MOB2: variants seen among roughly 807,000 people sequenced by gnomAD.
MOB2 encodes MOB2 Mps One Binder homolog.
A neutral mutation model predicts 27.4 loss-of-function variants in MOB2; 14 were observed. That is an observed-to-expected ratio of 0.51 (90% CI 0.34 to 0.80). The LOEUF (loss-of-function observed/expected upper bound fraction) is 0.80, where lower values mean the gene tolerates loss of function less well. Among genes scored for constraint, MOB2 ranks in the 30% least tolerant of loss-of-function variants. The pLI, the probability that MOB2 is intolerant of heterozygous loss-of-function variation, is 0.01. For synonymous variants in MOB2, 167 were observed against 151.8 expected, an observed-to-expected ratio of 1.10 and a Z score of -0.74; for missense variants, 304 against 354.6, an observed-to-expected ratio of 0.86 and a Z score of 1.15.
intron 3 of MOB2, chr11:1,471,644 C>A: frequency 2.0e-6 from 1 of 499,654 alleles, no homozygotes; most frequent in Non-Finnish European, 3.5e-6. Flanking sequence ...TAGAACTACG[C>A]CAGGATCACG....
intron 1 of MOB2, among the ~76,000 whole-genome samples, chr11:1,484,589 C>T (rs1316295901): frequency 3.3e-5 from 5 of 152,116 alleles, no homozygotes; most frequent in African/African-American, 9.7e-5. Context: ...GTGCACGCCA[C>T]GGGCACCTCC....
intron 1 of MOB2, among the ~76,000 whole-genome samples, chr11:1,482,665 G>A (rs1391481400): frequency 6.6e-6 from 1 of 152,212 alleles, no homozygotes; most frequent in Non-Finnish European, 1.5e-5. Context: ...GGCTGGCCGG[G>A]CCCCGGAGCT....
At chr11:1,472,966 CAG>C (rs1847811805) in intron 3 of MOB2, 1 of 152,846 alleles carries the variant, frequency 6.5e-6, no homozygotes, top group African/African-American at 2.4e-5. Flanking sequence ...GGGGAGTCAC[CAG>C]AGTTACCAAG....
Position 1,469,991 on chromosome 11 carries a change from G to T in MOB2, c.*181C>A. On this transcript the variant is annotated 3_prime_UTR_variant, in exon 5 of 5. Transcript: ENST00000329957. ...AACGGCACGCATCCATCCGACAGGG[G>T]GCCACAGGACACGGCCGGGGCCGTC... The T allele has an allele frequency of 6.7e-7, 1 of 1,481,992 alleles. No individual in the cohort carries two copies. Among genetic ancestry groups the T allele is most frequent in the Non-Finnish European group, 9.1e-7 (1 of 1,098,392 alleles). 91.8% of individuals were successfully genotyped at this position (1,481,992 alleles called of 1,614,324 possible). A position where few individuals can be genotyped will look rare whatever the true frequency, so the allele number is the denominator to read the frequency against.
Position 1,470,469 on chromosome 11 carries a change from G to C in MOB2, c.510C>G (p.Ser170=), listed in dbSNP as rs780051019. Residue 170 remains serine, a synonymous_variant, in exon 5 of 5, where the codon TCC becomes TCG. Coordinates refer to ENST00000329957, the MANE Select transcript of MOB2 (RefSeq NM_001172223.3). ...PTKYGREFPS[S]FESLVRKICR... ...AGATCTTCCTCACCAGGGACTCAAA[G>C]GAGCTGGGGAATTCTCTGCCTGGGG... 2 of 1,612,156 alleles carry C rather than the reference G, an allele frequency of 1.2e-6. No homozygotes were observed. Among genetic ancestry groups the C allele is most frequent in the East Asian group, 2.2e-5 (1 of 44,864 alleles).
At chr11:1,480,963 A>C in intron 1 of MOB2, 78 bp from the exon 2 acceptor site, 1 of 1,516,648 alleles carries the variant, frequency 6.6e-7, no homozygotes, top group Non-Finnish European at 8.9e-7. Flanking sequence ...AGTTGTGGCC[A>C]GCGCAGGTGT....
chr11:1,486,094 G>A (rs1011119654), intron 1 of MOB2, among the ~76,000 whole-genome samples: 3 of 152,254 alleles, frequency 2.0e-5, no homozygotes, highest in African/African-American at 7.2e-5. Context: ...TGGGTTGCGG[G>A]AGGACAAGGC....
intron 2 of MOB2, 21 bp downstream of exon 2, chr11:1,480,704 C>T (rs770203077): frequency 6.9e-6 from 11 of 1,595,766 alleles, no homozygotes; most frequent in Non-Finnish European, 8.5e-6. Flanking sequence ...GGAGGGGGCC[C>T]GCCCCCAGGC....
rs142484197 is a variant in MOB2 at position 1,485,734 on chromosome 11, C to T, written c.110+713G>A. Among the ~76,000 whole-genome samples the T allele has an allele frequency of 2.6e-3, 399 of 152,172 alleles. 3 individuals are homozygous for T. Among genetic ancestry groups the T allele is most frequent in the African/African-American group, 9.4e-3 (389 of 41,532 alleles). On this transcript the variant is annotated intron_variant, in intron 1 of 4. Coordinates refer to ENST00000329957, the MANE Select transcript of MOB2 (RefSeq NM_001172223.3). ...CCCCTCATGCCCACACACGGGTGCA[C>T]ACTCCCACACACACGGGTGCACGCT...
At chr11:1,481,585 C>T (rs1462406173) in intron 1 of MOB2, 1 of 152,536 alleles carries the variant, frequency 6.6e-6, no homozygotes, top group Non-Finnish European at 1.5e-5. Flanking sequence ...GAAAAATGCT[C>T]CCTGAATGCC....
chr11:1,486,703 G>C lies in MOB2; in HGVS notation c.-147C>G. 1 of 617,978 alleles carries C rather than the reference G, an allele frequency of 1.6e-6. No individual in the cohort carries two copies. Among genetic ancestry groups the C allele is most frequent in the Non-Finnish European group, 2.9e-6 (1 of 347,234 alleles). 38.3% of individuals were successfully genotyped at this position (617,978 alleles called of 1,614,324 possible). ...ACAAACAGCTGCCCCCTTTCCAGAG[G>C]CAAGGGCTGGCCAAGGCTGGTGAAA... On this transcript the variant is annotated 5_prime_UTR_variant, in exon 1 of 5. Transcript: ENST00000329957.
intron 4 of MOB2, 117 bp from the exon 5 acceptor site, chr11:1,470,605 C>T: frequency 8.5e-7 from 1 of 1,177,752 alleles, no homozygotes; most frequent in Non-Finnish European, 1.2e-6. Flanking sequence ...GACCCTGCCA[C>T]CCTCAGGGCC....
intron 3 of MOB2, among the ~76,000 whole-genome samples, chr11:1,475,390 C>T (rs1847841670): frequency 6.6e-6 from 1 of 152,204 alleles, no homozygotes; most frequent in African/African-American, 2.4e-5. Flanking sequence ...CCAGGGGATG[C>T]CTGAAGCCAC....
intron 1 of MOB2, among the ~76,000 whole-genome samples, chr11:1,485,726 C>G (rs528909067): frequency 6.6e-6 from 1 of 151,972 alleles, no homozygotes; most frequent in Non-Finnish European, 1.5e-5. Context: ...TGCCCACACA[C>G]GGGTGCACAC....
intron 1 of MOB2, among the ~76,000 whole-genome samples, chr11:1,483,002 C>T (rs1011632024): frequency 4.6e-5 from 7 of 152,234 alleles, no homozygotes; most frequent in East Asian, 1.9e-4. Flanking sequence ...CGGCAGCTAC[C>T]GAGGAGGCCT....
chr11:1,486,728 A>C lies in MOB2; in HGVS notation c.-172T>G. 3.5e-6 allele frequency: 2 copies of C among 573,382 alleles called. No homozygotes were observed. Among genetic ancestry groups the C allele is most frequent in the South Asian group, 2.0e-5 (1 of 49,850 alleles). 35.5% of individuals were successfully genotyped at this position (573,382 alleles called of 1,614,324 possible). A position where few individuals can be genotyped will look rare whatever the true frequency, so the allele number is the denominator to read the frequency against. On this transcript the variant is annotated 5_prime_UTR_variant, in exon 1 of 5. Coordinates refer to ENST00000329957, the MANE Select transcript of MOB2 (RefSeq NM_001172223.3). ...GCAAGGGCTGGCCAAGGCTGGTGAAACGAGGGAGCGTCTGAATTGGCCTTT... is the reference window on the plus strand; with the variant it reads ...GCAAGGGCTGGCCAAGGCTGGTGAACCGAGGGAGCGTCTGAATTGGCCTTT...
At chr11:1,484,412 C>G (rs1312641278) in intron 1 of MOB2, among the ~76,000 whole-genome samples, 3 of 152,176 alleles carry the variant, frequency 2.0e-5, no homozygotes, top group Non-Finnish European at 4.4e-5. Flanking sequence ...CCATCTGCAC[C>G]GGGCCCCTCA....
Position 1,469,783 on chromosome 11 carries a change from G to A in MOB2, c.*389C>T, listed in dbSNP as rs1049721624. Reference sequence around the variant, plus strand: ...AGCCCCACCCCCAGAGCAGAGCAGAGACCCAGGTCTGCAAATCACACCCTC... The same window carrying A: ...AGCCCCACCCCCAGAGCAGAGCAGAAACCCAGGTCTGCAAATCACACCCTC... On this transcript the variant is annotated 3_prime_UTR_variant, in exon 5 of 5. Transcript: ENST00000329957. 1 of 491,692 alleles carries A rather than the reference G, an allele frequency of 2.0e-6. No homozygotes were observed. The highest frequency in any genetic ancestry group is 4.0e-6 in the Non-Finnish European group (1 of 250,678). The allele number at this position is 491,692 out of a possible 1,614,324, so 30.5% of individuals were successfully genotyped here.
At chr11:1,478,759 C>T (rs1311012872) in intron 3 of MOB2, among the ~76,000 whole-genome samples, 1 of 152,174 alleles carries the variant, frequency 6.6e-6, no homozygotes, top group Non-Finnish European at 1.5e-5. Flanking sequence ...TCCGGCCCCG[C>T]CCCCTTTCTC....
Sources: gnomAD v4.1 joint callset for allele counts (sites outside exome capture counted in the v4.1 genomes callset) on GRCh38, gnomAD v4.1.1 for gene constraint, MANE v1.5 for transcripts, NCBI Gene and HGNC (gene_info 2026-07-23, HGNC 2026-07-21) for gene names.